Variants in GALNT13 observed in about 807,000 individuals in gnomAD.
GALNT13 encodes the protein polypeptide N-acetylgalactosaminyltransferase 13, also known as UDP-GalNAc:polypeptide N-acetylgalactosaminyltransferase 13.
Under a neutral mutation model 64.2 loss-of-function variants are expected in GALNT13, and 28 were observed. The ratio of observed to expected loss-of-function variants is 0.44; its 90% CI spans 0.32 to 0.60. GALNT13 has a LOEUF of 0.60. Among genes scored for constraint, GALNT13 ranks in the 20% least tolerant of loss-of-function variants. GALNT13 has a pLI of 0.05. For synonymous variants in GALNT13, 214 were observed against 224.6 expected (o/e 0.95, Z 0.42); for missense variants, 577 against 669.8 (o/e 0.86, Z 1.53).
rs778965080 is a variant in GALNT13, at chr2:153,874,841, G to A, written c.-177+2538G>A. ...CCCCTTTTTGCAAGTCTACAACTTGGCTGGTGTTCTTTAACACAGTCATTG... is the reference window on the plus strand; with the variant it reads ...CCCCTTTTTGCAAGTCTACAACTTGACTGGTGTTCTTTAACACAGTCATTG... On this transcript the variant is annotated intron_variant, in intron 1 of 12. Transcript: ENST00000392825. 3.1e-4 allele frequency among the ~76,000 whole-genome samples: 47 copies of A among 152,174 alleles called. No individual in the cohort carries two copies. The Middle Eastern group carries it at 0.014, about 44-fold the overall frequency.
At chr2:153,353,115 G>T in the GALNT13 span, among the ~76,000 whole-genome samples, 1 of 152,000 alleles carries the variant, frequency 6.6e-6, no homozygotes, top group African/African-American at 2.4e-5. Context: ...CATTTATTTA[G>T]TAGTTCTTTG....
At chr2:153,352,837 ACT>A in the GALNT13 span, among the ~76,000 whole-genome samples, 1 of 151,944 alleles carries the variant, frequency 6.6e-6, no homozygotes, top group Admixed American at 6.6e-5. Flanking sequence ...TCAGTACTAC[ACT>A]GTTTTAATGG....
At chr2:153,913,740 G>T (rs994167395) in intron 2 of GALNT13, among the ~76,000 whole-genome samples, 1 of 152,054 alleles carries the variant, frequency 6.6e-6, no homozygotes, top group Admixed American at 6.6e-5. Flanking sequence ...CCTGGTGAAC[G>T]GCAGTCCCAT....
intron 3 of GALNT13, among the ~76,000 whole-genome samples, chr2:154,092,993 C>G (rs1032639995): frequency 3.3e-5 from 5 of 151,918 alleles, no homozygotes; most frequent in Non-Finnish European, 7.4e-5. Flanking sequence ...CACAACACGT[C>G]TACTTTGAAA....
the GALNT13 span, among the ~76,000 whole-genome samples, chr2:153,611,795 C>T: frequency 1.2e-4 from 17 of 146,862 alleles, no homozygotes; most frequent in East Asian, 3.4e-3. Context: ...CCTATCAATC[C>T]GTCTTCTAGG....
chr2:153,397,851 A>G, the GALNT13 span, among the ~76,000 whole-genome samples: 5 of 152,046 alleles, frequency 3.3e-5, no homozygotes, highest in East Asian at 3.9e-4. Context: ...TGATTCATCT[A>G]TAGGTTTTTG....
At chr2:153,642,044 ATAGAT>A in the GALNT13 span, among the ~76,000 whole-genome samples, 2 of 151,968 alleles carry the variant, frequency 1.3e-5, no homozygotes, top group Non-Finnish European at 2.9e-5. Flanking sequence ...ATTATCTTCA[ATAGAT>A]TAGGTTACTG....
intron 4 of GALNT13, among the ~76,000 whole-genome samples, chr2:154,239,931 C>T (rs1371956984): frequency 6.6e-6 from 1 of 152,016 alleles, no homozygotes; most frequent in Non-Finnish European, 1.5e-5. Flanking sequence ...TTTTCACTCC[C>T]TTGTGAAGGA....
intron 3 of GALNT13, among the ~76,000 whole-genome samples, chr2:154,035,629 A>T (rs1698616057): frequency 6.6e-6 from 1 of 152,100 alleles, no homozygotes. Flanking sequence ...AAAGGCAGAA[A>T]TATTTTCATC....
the GALNT13 span, among the ~76,000 whole-genome samples, chr2:153,382,189 T>C: frequency 1.3e-5 from 2 of 152,030 alleles, no homozygotes; most frequent in Non-Finnish European, 2.9e-5. Context: ...ATCTATCTGC[T>C]TCAGGACCTT....
intron 9 of GALNT13, among the ~76,000 whole-genome samples, chr2:154,321,655 A>C (rs1694629005): frequency 6.6e-6 from 1 of 152,066 alleles, no homozygotes; most frequent in African/African-American, 2.4e-5. Flanking sequence ...TAATGAAATA[A>C]AGTATGTAAA....
At chr2:154,006,743 G>A (rs2105235438) in intron 3 of GALNT13, among the ~76,000 whole-genome samples, 1 of 152,298 alleles carries the variant, frequency 6.6e-6, no homozygotes, top group African/African-American at 2.4e-5. Flanking sequence ...AGGCTAAGAA[G>A]CCGGAAGAAG....
the GALNT13 span, among the ~76,000 whole-genome samples, chr2:153,180,321 G>T: frequency 6.6e-6 from 1 of 151,984 alleles, no homozygotes; most frequent in Admixed American, 6.6e-5. Flanking sequence ...AATGTAGCAC[G>T]TCCCATTTAT....
the GALNT13 span, among the ~76,000 whole-genome samples, chr2:153,374,991 G>A: frequency 1.6e-3 from 241 of 152,166 alleles, 1 homozygote; most frequent in African/African-American, 5.0e-3. Context: ...CTCAAATCAC[G>A]CATACCATAT....
At chr2:153,755,066 G>A in the GALNT13 span, among the ~76,000 whole-genome samples, 1 of 152,158 alleles carries the variant, frequency 6.6e-6, no homozygotes, top group African/African-American at 2.4e-5. Context: ...GCCAGAGAAT[G>A]AGGGAAGAGT....
At chr2:153,129,204 G>A in the GALNT13 span, among the ~76,000 whole-genome samples, 1 of 152,166 alleles carries the variant, frequency 6.6e-6, no homozygotes, top group African/African-American at 2.4e-5. Flanking sequence ...TTATATGTAT[G>A]TATAGGAAAT....
At chr2:153,356,799 T>C in the GALNT13 span, among the ~76,000 whole-genome samples, 2 of 133,386 alleles carry the variant, frequency 1.5e-5, no homozygotes, top group African/African-American at 2.8e-5. Flanking sequence ...CTTTTTTTTT[T>C]TTTTTTTTTT....
intron 3 of GALNT13, among the ~76,000 whole-genome samples, chr2:154,133,768 C>T (rs1334810655): frequency 6.6e-6 from 1 of 151,554 alleles, no homozygotes; most frequent in East Asian, 1.9e-4. Context: ...CGGGGAGTTT[C>T]ATAGACTAAC....
the GALNT13 span, among the ~76,000 whole-genome samples, chr2:153,783,544 T>G: frequency 6.6e-6 from 1 of 152,170 alleles, no homozygotes; most frequent in Admixed American, 6.5e-5. Flanking sequence ...CATTTTAATC[T>G]CAACCTGGAC....
Sources: gnomAD v4.1 joint callset for allele counts (sites outside exome capture counted in the v4.1 genomes callset) on GRCh38, gnomAD v4.1.1 for gene constraint, MANE v1.5 for transcripts, NCBI Gene and HGNC (gene_info 2026-07-23, HGNC 2026-07-21) for gene names.